The following C1orf87 variants were observed in gnomAD, a reference collection of about 807,000 sequenced individuals.
The protein encoded by C1orf87 is uncharacterized protein C1orf87.
In C1orf87, 58 loss-of-function variants were observed where a neutral mutation model predicts 60.5. The observed-to-expected ratio is 0.96, with a 90% CI of 0.78 to 1.19. The LOEUF is 1.19. C1orf87 is among the 50% of genes most tolerant of loss of function. C1orf87 has a pLI of 0.00. For synonymous variants in C1orf87, 236 were observed against 227.4 expected (o/e 1.04, Z -0.34); for missense variants, 673 against 638.6 (o/e 1.05, Z -0.58).
intron 11 of C1orf87, 65 bp downstream of exon 11, chr1:59,997,544 A>G: frequency 6.8e-7 from 1 of 1,465,896 alleles, no homozygotes; most frequent in Non-Finnish European, 9.5e-7. Context: ...AAAGAAAATG[A>G]GGTGCCTACT....
intron 2 of C1orf87, among the ~76,000 whole-genome samples, chr1:60,061,381 A>T (rs1327693505): frequency 6.6e-6 from 1 of 152,134 alleles, no homozygotes; most frequent in Non-Finnish European, 1.5e-5. Context: ...TCTTAAAAAA[A>T]TTTCCAATTG....
At chr1:60,008,059 G>C (rs1025507115) in intron 9 of C1orf87, among the ~76,000 whole-genome samples, 3 of 151,974 alleles carry the variant, frequency 2.0e-5, no homozygotes, top group African/African-American at 7.2e-5. Flanking sequence ...AGTCATCATA[G>C]ATCCAGCAGT....
intron 3 of C1orf87, 98 bp downstream of exon 3, chr1:60,055,106 T>C (rs555302218): frequency 3.0e-4 from 318 of 1,071,526 alleles, no homozygotes; most frequent in Non-Finnish European, 4.0e-4. Flanking sequence ...AATATATTAA[T>C]GAACATTTGT....
At chr1:60,028,632 C>G (rs1378312646) in intron 7 of C1orf87, among the ~76,000 whole-genome samples, 1 of 152,148 alleles carries the variant, frequency 6.6e-6, no homozygotes, top group Non-Finnish European at 1.5e-5. Flanking sequence ...AAGATCAGTG[C>G]ACACTGTCTC....
intron 9 of C1orf87, among the ~76,000 whole-genome samples, chr1:60,009,484 A>G (rs1329643771): frequency 6.6e-6 from 1 of 152,036 alleles, no homozygotes; most frequent in African/African-American, 2.4e-5. Context: ...GGAAATGAAT[A>G]TACTCACCAT....
At chr1:60,038,426 T>C (rs1433163118) in intron 5 of C1orf87, among the ~76,000 whole-genome samples, 1 of 152,038 alleles carries the variant, frequency 6.6e-6, no homozygotes, top group Non-Finnish European at 1.5e-5. Context: ...CCCCTTCTGC[T>C]ATCCTGTCCA....
chr1:60,028,434 C>T (rs765609412), intron 7 of C1orf87, among the ~76,000 whole-genome samples: 5 of 152,084 alleles, frequency 3.3e-5, no homozygotes, highest in Admixed American at 6.5e-5. Flanking sequence ...AGCAATTCCA[C>T]GTTATTCACG....
rs368132776 is a variant in C1orf87, at chr1:60,039,893, C to T, written c.747+24G>A. The T allele has an allele frequency of 2.5e-6, 4 of 1,600,836 alleles. No individual in the cohort carries two copies. In the African/African-American group the frequency reaches 4.1e-5, roughly 16 times the overall value. ...GTTAAGGAAACAAAAGGAACCCACA[C>T]TTCCAATAGTACAATTGCCATACCA... On this transcript the variant is annotated intron_variant, in intron 5 of 11. Coordinates refer to ENST00000371201, the MANE Select transcript of C1orf87 (RefSeq NM_152377.3).
intron 8 of C1orf87, among the ~76,000 whole-genome samples, chr1:60,020,581 TG>T: frequency 3.9e-5 from 6 of 152,314 alleles, no homozygotes; most frequent in African/African-American, 1.4e-4. Context: ...TGGACTTGCA[TG>T]GGGTCTGTAG....
intron 8 of C1orf87, among the ~76,000 whole-genome samples, chr1:60,013,824 A>G (rs1314635128): frequency 6.6e-6 from 1 of 151,994 alleles, no homozygotes; most frequent in Non-Finnish European, 1.5e-5. Context: ...GACAACTTCC[A>G]TCCATTCCTG....
chr1:60,046,320 C>T (rs1325687960), intron 3 of C1orf87, among the ~76,000 whole-genome samples: 3 of 131,756 alleles, frequency 2.3e-5, no homozygotes, highest in African/African-American at 8.4e-5. Flanking sequence ...CCCCTACCCT[C>T]CCTCCCTCTC....
chr1:60,067,422 A>G (rs373800981), intron 2 of C1orf87, among the ~76,000 whole-genome samples: 8 of 152,126 alleles, frequency 5.3e-5, no homozygotes, highest in Admixed American at 4.6e-4. Context: ...CTGGTGTGAT[A>G]TAGTATCTCA....
At chr1:60,025,529 G>A (rs942121779) in intron 7 of C1orf87, 31 bp from the exon 8 acceptor site, 2 of 1,482,258 alleles carry the variant, frequency 1.3e-6, no homozygotes, top group Admixed American at 4.1e-5. Context: ...AAAAAGATTT[G>A]ATGTTTCACT....
chr1:60,037,462 GC>G (rs1301746298), intron 6 of C1orf87, among the ~76,000 whole-genome samples: 1 of 152,200 alleles, frequency 6.6e-6, no homozygotes, highest in Non-Finnish European at 1.5e-5. Flanking sequence ...TCTTGAAAGG[GC>G]CTTCTTGCTG....
chr1:60,066,702 G>A (rs1481707775), intron 2 of C1orf87, among the ~76,000 whole-genome samples: 2 of 151,262 alleles, frequency 1.3e-5, no homozygotes, highest in African/African-American at 4.9e-5. Context: ...TTAAATTTAA[G>A]TTCTGGGATA....
intron 10 of C1orf87, among the ~76,000 whole-genome samples, chr1:59,999,814 T>TAA (rs1557455370): frequency 3.9e-5 from 6 of 152,158 alleles, no homozygotes; most frequent in Non-Finnish European, 8.8e-5. Context: ...GTTTTATACC[T>TAA]TTTTGCCTTT....
intron 8 of C1orf87, among the ~76,000 whole-genome samples, chr1:60,021,883 G>A (rs1645165722): frequency 6.6e-6 from 1 of 152,132 alleles, no homozygotes; most frequent in Admixed American, 6.5e-5. Context: ...TCATTGACAA[G>A]GAGATATTTG....
chr1:60,009,162 C>A (rs1002191860), intron 9 of C1orf87, among the ~76,000 whole-genome samples: 1 of 152,014 alleles, frequency 6.6e-6, no homozygotes, highest in Non-Finnish European at 1.5e-5. Context: ...TTAGGGCAGG[C>A]CCTACTTGGA....
intron 8 of C1orf87, among the ~76,000 whole-genome samples, chr1:60,018,793 C>T (rs1248326239): frequency 1.3e-5 from 2 of 152,116 alleles, no homozygotes; most frequent in Non-Finnish European, 2.9e-5. Flanking sequence ...AATATCATAA[C>T]CTCATTATTC....
Sources: allele counts gnomAD v4.1 joint callset (sites outside exome capture counted in the v4.1 genomes callset), GRCh38; gene constraint gnomAD v4.1.1; transcripts MANE v1.5; gene names NCBI Gene and HGNC (gene_info 2026-07-23, HGNC 2026-07-21).